Variants in ADGRD1 observed in about 807,000 individuals in gnomAD.
ADGRD1 encodes G-protein coupled receptor 133.
In ADGRD1, 77 loss-of-function variants were observed where a neutral mutation model predicts 113.4. That is an observed-to-expected ratio of 0.68 (90% CI 0.57 to 0.82). The LOEUF is 0.82. Ranked by LOEUF, ADGRD1 falls within the 40% of genes least tolerant of loss-of-function variation. The pLI is 0.00. For missense variants in ADGRD1, 1,036 were observed against 1,139.1 expected, an observed-to-expected ratio of 0.91 and a Z score of 1.30; for synonymous variants, 474 against 475.0, an observed-to-expected ratio of 1.00 and a Z score of 0.03.
At position 131,060,551 on chromosome 12, in the gene ADGRD1, G is replaced by A. The variant is rs573492120; in HGVS notation, c.1474-16250G>A. On this transcript the variant is annotated intron_variant, in intron 13 of 24. Transcript: ENST00000261654. The surrounding 1 kb of genome is among the most constrained non-coding windows in gnomAD (Gnocchi z 4.4). ...AAGTCAGTCCTGGGTGACAGAGGCC[G>A]TGGCCAAGGGGGCCTTACGGACACC... Among the ~76,000 whole-genome samples, 13 of 152,300 alleles carry A rather than the reference G, an allele frequency of 8.5e-5. No homozygotes were observed. Among genetic ancestry groups the A allele is most frequent in the Non-Finnish European group, 1.5e-4 (10 of 68,020 alleles).
rs568056645 is a variant in ADGRD1, at chr12:131,066,235, C to T, written c.1474-10566C>T. On this transcript the variant is annotated intron_variant, in intron 13 of 24. Coordinates refer to ENST00000261654, the MANE Select transcript of ADGRD1 (RefSeq NM_198827.5). ...ATTTTTAGAAAACAATAATCCTGGC[C>T]GCTCATCCTCTGCCACGGGGAGGGC... Among the ~76,000 whole-genome samples the T allele has an allele frequency of 2.0e-5, 3 of 152,316 alleles. No homozygotes were observed. In the East Asian group the frequency reaches 5.8e-4, roughly 29 times the overall value.
intron 6 of ADGRD1, 112 bp downstream of exon 6, chr12:130,987,461 G>A: frequency 1.7e-6 from 2 of 1,209,650 alleles, no homozygotes; most frequent in South Asian, 2.8e-5. Flanking sequence ...CTGCAGGCGT[G>A]AGATGTGTCC....
intron 15 of ADGRD1, among the ~76,000 whole-genome samples, chr12:131,099,551 G>A (rs35453516): frequency 0.083 from 12,635 of 152,258 alleles, 703 homozygotes; most frequent in Non-Finnish European, 0.12. Context: ...AGACCCTGAC[G>A]TGTGCATGCC....
At chr12:131,088,069 TGTC>T (rs1368056856) in intron 15 of ADGRD1, among the ~76,000 whole-genome samples, 5 of 151,954 alleles carry the variant, frequency 3.3e-5, no homozygotes, top group Middle Eastern at 3.2e-3. Context: ...TCCCTCGTGG[TGTC>T]GTAGGGAGCA....
chr12:131,076,988 G>T, intron 14 of ADGRD1, 114 bp downstream of exon 14: 1 of 893,290 alleles, frequency 1.1e-6, no homozygotes, highest in Non-Finnish European at 1.9e-6. Flanking sequence ...ACATGGTTGC[G>T]TTATGCGAAA....
At chr12:131,088,519 T>G in intron 15 of ADGRD1, among the ~76,000 whole-genome samples, 1 of 151,790 alleles carries the variant, frequency 6.6e-6, no homozygotes, top group East Asian at 1.9e-4. Flanking sequence ...CATCTCAGGG[T>G]GGAGAGGATG....
chr12:131,106,409 TC>T (rs1479516770), intron 17 of ADGRD1, among the ~76,000 whole-genome samples: 1 of 152,074 alleles, frequency 6.6e-6, no homozygotes, highest in East Asian at 1.9e-4. Flanking sequence ...CCCTAAGAAG[TC>T]TTAGACCTCA....
chr12:131,089,385 G>C (rs1162260329), intron 15 of ADGRD1, among the ~76,000 whole-genome samples: 1 of 152,252 alleles, frequency 6.6e-6, no homozygotes, highest in East Asian at 1.9e-4. Flanking sequence ...TGCAGAGTGG[G>C]CACCGGCCCC....
intron 4 of ADGRD1, chr12:130,981,514 TTTG>T: frequency 3.7e-5 from 6 of 162,958 alleles, no homozygotes; most frequent in South Asian, 3.8e-4. Context: ...GGTCTTCACA[TTTG>T]CATGATCCCG....
intron 15 of ADGRD1, among the ~76,000 whole-genome samples, chr12:131,088,971 C>T (rs1886707398): frequency 6.6e-6 from 1 of 152,174 alleles, no homozygotes; most frequent in Non-Finnish European, 1.5e-5. Flanking sequence ...CTGGCATCCT[C>T]ATTTCCGACA....
chr12:131,118,789 C>A (rs544178443), intron 19 of ADGRD1, among the ~76,000 whole-genome samples: 1 of 152,194 alleles, frequency 6.6e-6, no homozygotes, highest in Non-Finnish European at 1.5e-5. Context: ...TGAATTGTGG[C>A]CCTTTCACCC....
chr12:131,124,075 G>T (rs1195962640), intron 20 of ADGRD1, among the ~76,000 whole-genome samples: 3 of 152,216 alleles, frequency 2.0e-5, no homozygotes, highest in Non-Finnish European at 2.9e-5. Context: ...TGGGCCAGGG[G>T]GTGCCGTGGA....
At chr12:131,065,500 G>A (rs1188456782) in intron 13 of ADGRD1, among the ~76,000 whole-genome samples, 3 of 152,216 alleles carry the variant, frequency 2.0e-5, no homozygotes, top group African/African-American at 7.2e-5. Flanking sequence ...TCCCGTGGGA[G>A]GAGGCGTCAG....
intron 3 of ADGRD1, chr12:130,968,252 T>G (rs976643577): frequency 6.6e-6 from 1 of 152,310 alleles, no homozygotes; most frequent in Non-Finnish European, 1.5e-5. Flanking sequence ...AGTTACACAC[T>G]GTGGCTGAAT....
intron 15 of ADGRD1, among the ~76,000 whole-genome samples, chr12:131,085,001 C>T (rs1886356641): frequency 6.6e-6 from 1 of 152,256 alleles, no homozygotes; most frequent in African/African-American, 2.4e-5. Context: ...TGGGCGCCTG[C>T]TGGGAGCCGG....
chr12:131,116,783 C>G (rs1483923684), intron 18 of ADGRD1, among the ~76,000 whole-genome samples: 1 of 152,242 alleles, frequency 6.6e-6, no homozygotes, highest in African/African-American at 2.4e-5. Context: ...TCTCTCATCT[C>G]TCTCCCATCC....
rs376220616 is a variant in ADGRD1, at chr12:131,029,586, TGTG to T, written c.1473+15250_1473+15252del. The stretch of plus-strand genomic sequence containing the variant: ...CTGGGGTTAGGTTGTGGACCCCTCA[TGTG>T]GTGACATTCCCAGGCTCTGGGGTTA... On this transcript the variant is annotated intron_variant, in intron 13 of 24. Coordinates refer to ENST00000261654, the MANE Select transcript of ADGRD1 (RefSeq NM_198827.5). 2.8e-3 allele frequency among the ~76,000 whole-genome samples: 392 copies of T among 138,232 alleles called. 3 individuals are homozygous for T. Among genetic ancestry groups the T allele is most frequent in the African/African-American group, 0.011 (367 of 33,710 alleles). 90.7% of individuals were successfully genotyped at this position (138,232 alleles called of 152,430 possible). A position where few individuals can be genotyped will look rare whatever the true frequency, so the allele number is the denominator to read the frequency against.
chr12:131,016,747 G>A (rs1878615789), intron 13 of ADGRD1, among the ~76,000 whole-genome samples: 1 of 152,190 alleles, frequency 6.6e-6, no homozygotes, highest in Non-Finnish European at 1.5e-5. Context: ...ACAAAAATCA[G>A]CCGGGCATGG....
At chr12:130,964,778 C>T (rs1325721318) in intron 2 of ADGRD1, among the ~76,000 whole-genome samples, 6 of 152,202 alleles carry the variant, frequency 3.9e-5, no homozygotes, top group South Asian at 2.1e-4. Context: ...ATTTTTCTCC[C>T]GCTGAACTGT....
Sources: gnomAD v4.1 joint callset for allele counts (sites outside exome capture counted in the v4.1 genomes callset) on GRCh38, gnomAD v4.1.1 for gene constraint, Gnocchi (gnomAD v3.1) non-coding constraint, MANE v1.5 for transcripts, NCBI Gene and HGNC (gene_info 2026-07-23, HGNC 2026-07-21) for gene names.